Variants in FBN2 observed in about 807,000 individuals in gnomAD.
FBN2 encodes the protein fibrillin-2.
FBN2 carries 105 observed loss-of-function variants against 355.6 expected under a neutral mutation model. The observed-to-expected ratio is 0.30, with a 90% CI of 0.25 to 0.35. FBN2 has a LOEUF of 0.35. Ranked by LOEUF, FBN2 falls within the 10% of genes least tolerant of loss-of-function variation. The pLI, the probability that FBN2 is intolerant of heterozygous loss-of-function variation, is 1.00. For missense variants in FBN2, 3,280 were observed against 3,758.7 expected (o/e 0.87, Z 3.33); for synonymous variants, 1,350 against 1,301.2 (o/e 1.04, Z -0.81).
At chr5:128,310,922 C>T (rs184350774) in intron 39 of FBN2, among the ~76,000 whole-genome samples, 4 of 152,136 alleles carry the variant, frequency 2.6e-5, no homozygotes, top group Non-Finnish European at 5.9e-5. Flanking sequence ...ACCATATAGT[C>T]CAACATTTAA....
intron 6 of FBN2, among the ~76,000 whole-genome samples, chr5:128,462,260 C>G (rs1301546604): frequency 6.6e-6 from 1 of 152,062 alleles, no homozygotes; most frequent in Admixed American, 6.6e-5. Flanking sequence ...AAAAAGATCA[C>G]TGTTTTTTTA....
intron 5 of FBN2, among the ~76,000 whole-genome samples, chr5:128,480,170 ATATAT>A (rs1755141896): frequency 7.0e-6 from 1 of 143,596 alleles, no homozygotes. Flanking sequence ...GAGAGAATAT[ATATAT>A]TATATATTTT....
chr5:128,319,332 GA>G lies in FBN2; in HGVS notation c.4472-332del, dbSNP rs202017177. ...AAACATGTCAAAGAAATGAAATTGT[GA>G]AAAAAAGATAAAAGCAAATTCAAAG... On this transcript the variant is annotated intron_variant, in intron 34 of 64. Coordinates refer to ENST00000262464, the MANE Select transcript of FBN2 (RefSeq NM_001999.4). Among the ~76,000 whole-genome samples, 645 of 151,526 alleles carry G rather than the reference GA, an allele frequency of 4.3e-3. 4 individuals carry two copies. Among genetic ancestry groups the G allele is most frequent in the African/African-American group, 0.015 (607 of 41,416 alleles).
In FBN2 at chr5:128,399,650, G is replaced by T. The variant is rs546022514; in HGVS notation, c.1079-4376C>A. ...ATAATGATTAAGTTGTCACACATAG[G>T]AATGGCAATATACTAGATTTTAAAA... On this transcript the variant is annotated intron_variant, in intron 8 of 64. Transcript: ENST00000262464. Among the ~76,000 whole-genome samples, 4 of 152,066 alleles carry T rather than the reference G, an allele frequency of 2.6e-5. No homozygotes were observed. In the South Asian group the frequency reaches 8.3e-4, roughly 32 times the overall value.
intron 5 of FBN2, among the ~76,000 whole-genome samples, chr5:128,518,156 G>C (rs78193461): frequency 0.08 from 12,138 of 152,118 alleles, 506 homozygotes; most frequent in Middle Eastern, 0.088. Context: ...CAGCAAACTT[G>C]AGCCACTCCC....
chr5:128,527,893 T>C lies in FBN2; in HGVS notation c.511A>G (p.Ile171Val), dbSNP rs1203693885. ...DDHCQCQKGY[I>V]GTYCGQPVCE... ...TTACGTTGTCCACAATAAGTTCCAA[T>C]ATATCCTTTCTGGCACTGGCAGTGG... The change falls in exon 4 of 65, where the codon ATT becomes GTT. Residue 171 changes from isoleucine (I) to valine (V), a missense_variant. This residue lies in a region of FBN2 where 130 missense variants were observed against 189.9 expected (regional missense o/e 0.68). Transcript: ENST00000262464. The C allele has an allele frequency of 6.2e-7, 1 of 1,610,788 alleles. No homozygotes were observed. Among genetic ancestry groups the C allele is most frequent in the African/African-American group, 1.3e-5 (1 of 74,812 alleles).
chr5:128,393,279 C>T lies in FBN2; in HGVS notation c.1321G>A (p.Gly441Ser). ...TTGCCATTGCCACTTGGGGCAAAGC[C>T]ATTTCCCCCAGTGCCTCCAGGTCTG... ...GSRPGGTGGN[G>S]FAPSGNGNGY... Residue 441 changes from glycine (G) to serine (S), a missense_variant, in exon 10 of 65, where the codon GGC becomes AGC. By Grantham distance (56) the Gly-to-Ser change is moderately conservative (BLOSUM62 0). Around this residue, in one of 6 missense-constraint regions of FBN2, gnomAD observed 343 missense variants for 331.0 expected, o/e 1.04. Transcript: ENST00000262464. 1 of 1,614,164 alleles carries T rather than the reference C, an allele frequency of 6.2e-7. No homozygotes were observed. The highest frequency in any genetic ancestry group is 8.5e-7 in the Non-Finnish European group (1 of 1,180,008).
chr5:128,408,745 T>C lies in FBN2; in HGVS notation c.1007A>G (p.Asn336Ser), dbSNP rs1752993803. The change falls in exon 8 of 65, where the codon AAC becomes AGC. Residue 336 changes from asparagine (N) to serine (S), a missense_variant. Coordinates refer to ENST00000262464, the MANE Select transcript of FBN2 (RefSeq NM_001999.4). ...PGICETGECSNTVGSYFCVCP... is the reference protein window; with the variant it reads ...PGICETGECSSTVGSYFCVCP... The stretch of plus-strand genomic sequence containing the variant: ...AACACAAAAATAGCTTCCCACGGTG[T>C]TGGAACATTCACCAGTTTCACATAT... 1 of 1,614,004 alleles carries C rather than the reference T, an allele frequency of 6.2e-7. No individual in the cohort carries two copies. The highest frequency in any genetic ancestry group is 8.5e-7 in the Non-Finnish European group (1 of 1,179,900).
intron 6 of FBN2, among the ~76,000 whole-genome samples, chr5:128,453,772 A>G (rs1407592121): frequency 6.6e-6 from 1 of 152,172 alleles, no homozygotes; most frequent in African/African-American, 2.4e-5. Context: ...AAACTTCCAC[A>G]AGGCATAGTC....
Position 128,537,641 on chromosome 5 carries a change from G to T in FBN2, c.-38C>A. On this transcript the variant is annotated 5_prime_UTR_variant, in exon 1 of 65. Coordinates refer to ENST00000262464, the MANE Select transcript of FBN2 (RefSeq NM_001999.4). ...AAGCGCGCGGCCGTAGACCCGCGGA[G>T]AGGGAGTGATCAAAGACAAAATCTG... 1 of 1,590,200 alleles carries T rather than the reference G, an allele frequency of 6.3e-7. No individual in the cohort carries two copies.
At chr5:128,263,679 T>G in intron 62 of FBN2, 23 bp from the exon 63 acceptor site, 2 of 1,582,638 alleles carry the variant, frequency 1.3e-6, no homozygotes, top group Non-Finnish European at 8.7e-7. Context: ...AGAAAGAAAC[T>G]CTTACACGGG....
At chr5:128,424,646 C>T (rs1420475450) in intron 7 of FBN2, among the ~76,000 whole-genome samples, 1 of 152,158 alleles carries the variant, frequency 6.6e-6, no homozygotes, top group Non-Finnish European at 1.5e-5. Flanking sequence ...TTAATAGGAA[C>T]TAAGGGAACT....
At chr5:128,404,447 A>G (rs969896435) in intron 8 of FBN2, among the ~76,000 whole-genome samples, 25 of 152,240 alleles carry the variant, frequency 1.6e-4, no homozygotes, top group Admixed American at 2.6e-4. Context: ...TGGTTAGTGC[A>G]GGACTTAGCT....
intron 36 of FBN2, among the ~76,000 whole-genome samples, chr5:128,313,154 T>C (rs1750105804): frequency 6.6e-6 from 1 of 152,256 alleles, no homozygotes; most frequent in Admixed American, 6.5e-5. Flanking sequence ...TCCAATGGTT[T>C]AGTTTCAACT....
At chr5:128,444,316 C>T (rs891324077) in intron 7 of FBN2, among the ~76,000 whole-genome samples, 4 of 152,018 alleles carry the variant, frequency 2.6e-5, no homozygotes, top group African/African-American at 9.7e-5. Flanking sequence ...TCAAGATCCA[C>T]CCGCCTCGGC....
intron 5 of FBN2, among the ~76,000 whole-genome samples, chr5:128,500,228 T>TCAACAA (rs60501095): frequency 0.049 from 7,347 of 148,998 alleles, 599 homozygotes; most frequent in African/African-American, 0.17. Flanking sequence ...ACAGCTAATA[T>TCAACAA]CAACAACAAC....
intron 33 of FBN2, among the ~76,000 whole-genome samples, chr5:128,329,278 T>TG (rs1750631073): frequency 6.6e-6 from 1 of 152,144 alleles, no homozygotes; most frequent in East Asian, 1.9e-4. Context: ...ACTATGGGAA[T>TG]GGGGAAAGTT....
intron 44 of FBN2, 26 bp downstream of exon 44, chr5:128,305,485 A>G (rs754437952): frequency 1.1e-5 from 17 of 1,613,180 alleles, no homozygotes; most frequent in Non-Finnish European, 1.4e-5. Flanking sequence ...GCTCAGTGCC[A>G]AAGAATGAGT....
intron 16 of FBN2, among the ~76,000 whole-genome samples, chr5:128,368,227 T>C (rs1241986261): frequency 6.6e-6 from 1 of 152,044 alleles, no homozygotes; most frequent in Non-Finnish European, 1.5e-5. Context: ...AGATTGTGTT[T>C]ATGTTAGAAT....
Sources: allele counts gnomAD v4.1 joint callset (sites outside exome capture counted in the v4.1 genomes callset), GRCh38; gene constraint gnomAD v4.1.1; regional missense constraint gnomAD v4.1.1; transcripts MANE v1.5; gene names NCBI Gene and HGNC (gene_info 2026-07-23, HGNC 2026-07-21).